TBCE: variants seen among roughly 807,000 people sequenced by gnomAD.
The protein encoded by TBCE is tubulin folding cofactor E.
Under a neutral mutation model 77.0 loss-of-function variants are expected in TBCE, and 53 were observed. The observed-to-expected ratio is 0.69, with a 90% confidence interval of 0.55 to 0.87. The LOEUF (loss-of-function observed/expected upper bound fraction) is 0.87, where lower values mean the gene tolerates loss of function less well. Among genes scored for constraint, TBCE ranks in the 40% least tolerant of loss-of-function variants. TBCE has a pLI of 0.00. For synonymous variants in TBCE, 235 were observed against 241.3 expected (o/e 0.97, Z 0.24); for missense variants, 624 against 622.4 (o/e 1.00, Z -0.03).
intron 13 of TBCE, chr1:235,440,782 G>A (rs577890254): frequency 1.3e-5 from 2 of 152,206 alleles, no homozygotes; most frequent in African/African-American, 2.4e-5. Context: ...CTCTCGTCCC[G>A]AGGGCTCGCT....
At chr1:235,439,089 G>C (rs2270538) in intron 13 of TBCE, 167 bp downstream of exon 13, 14 of 848,638 alleles carry the variant, frequency 1.6e-5, no homozygotes, top group Middle Eastern at 3.4e-4. Flanking sequence ...GGGCGAGGGC[G>C]GCAGGGCAAG....
At chr1:235,409,393 T>C (rs1679644976) in intron 3 of TBCE, among the ~76,000 whole-genome samples, 1 of 152,186 alleles carries the variant, frequency 6.6e-6, no homozygotes. Flanking sequence ...TTTCTTAATA[T>C]ATTAATGTAG....
chr1:235,388,429 C>T (rs567029384), intron 2 of TBCE, among the ~76,000 whole-genome samples: 87 of 151,864 alleles, frequency 5.7e-4, no homozygotes, highest in African/African-American at 2.0e-3. Context: ...GCTGGGATTA[C>T]GGGGACCCAC....
At chr1:235,388,128 C>T (rs1678137940) in intron 2 of TBCE, among the ~76,000 whole-genome samples, 1 of 152,090 alleles carries the variant, frequency 6.6e-6, no homozygotes, top group Non-Finnish European at 1.5e-5. Context: ...ATGCTCTCAA[C>T]TTTGAATATT....
At chr1:235,443,177 C>G (rs190582824) in intron 15 of TBCE, among the ~76,000 whole-genome samples, 1 of 140,870 alleles carries the variant, frequency 7.1e-6, no homozygotes, top group African/African-American at 2.9e-5. Context: ...CACACACACA[C>G]ACACACACAT....
chr1:235,387,451 C>A (rs1010964093), intron 2 of TBCE, among the ~76,000 whole-genome samples: 4 of 152,206 alleles, frequency 2.6e-5, no homozygotes, highest in Non-Finnish European at 4.4e-5. Flanking sequence ...GTGGGCTCCA[C>A]CCAGTTCGAG....
At chr1:235,408,723 G>A (rs374038634) in intron 3 of TBCE, among the ~76,000 whole-genome samples, 16 of 152,148 alleles carry the variant, frequency 1.1e-4, no homozygotes, top group African/African-American at 3.6e-4. Context: ...AACACTGCAC[G>A]AAAGCTGAGT....
intron 15 of TBCE, among the ~76,000 whole-genome samples, chr1:235,444,749 G>A (rs1682132027): frequency 1.3e-5 from 2 of 152,222 alleles, no homozygotes; most frequent in South Asian, 2.1e-4. Flanking sequence ...ATGTCTTTGC[G>A]TGTTTCCTTT....
intron 5 of TBCE, among the ~76,000 whole-genome samples, chr1:235,424,794 A>C (rs1046140916): frequency 7.3e-5 from 11 of 151,586 alleles, no homozygotes; most frequent in Admixed American, 6.6e-5. Context: ...TATGAGCCAC[A>C]GTTCCCGGTC....
In TBCE at chr1:235,431,717, A is replaced by G. The variant is rs553026404; in HGVS notation, c.660+913A>G. Among the ~76,000 whole-genome samples the G allele has an allele frequency of 9.6e-5, 13 of 135,658 alleles. 1 individual carries two copies. Among genetic ancestry groups the G allele is most frequent in the Admixed American group, 7.5e-4 (10 of 13,352 alleles). 89.0% of individuals were successfully genotyped at this position (135,658 alleles called of 152,430 possible). On this transcript the variant is annotated intron_variant, in intron 7 of 16. Transcript: ENST00000642610. The stretch of plus-strand genomic sequence containing the variant: ...AGACAGAGTCTCACTCTGTTGCCCA[A>G]GGTGGAGTGCAGTGGCGCAATCTCG...
At chr1:235,426,727 C>T (rs1680732975) in intron 5 of TBCE, among the ~76,000 whole-genome samples, 1 of 152,210 alleles carries the variant, frequency 6.6e-6, no homozygotes, top group African/African-American at 2.4e-5. Flanking sequence ...CTCACTGCAA[C>T]CTCCGCCTCC....
chr1:235,408,179 A>G (rs1679566942), intron 3 of TBCE, among the ~76,000 whole-genome samples: 1 of 152,224 alleles, frequency 6.6e-6, no homozygotes, highest in Non-Finnish European at 1.5e-5. Context: ...ATAAAGGATA[A>G]GTGTTTGAAA....
Position 235,443,177 on chromosome 1 carries a change from C to T in TBCE, c.1399+266C>T, listed in dbSNP as rs190582824. ...CCCTGCATATAATTACACACACACA[C>T]ACACACACATATATATATACACACA... On this transcript the variant is annotated intron_variant, in intron 15 of 16. Coordinates refer to ENST00000642610, the MANE Select transcript of TBCE (RefSeq NM_003193.5). 2.4e-3 allele frequency among the ~76,000 whole-genome samples: 341 copies of T among 140,972 alleles called. 6 individuals carry two copies. The highest frequency in any genetic ancestry group is 0.014 in the Admixed American group (193 of 13,952). 92.5% of individuals were successfully genotyped at this position (140,972 alleles called of 152,430 possible). A position where few individuals can be genotyped will look rare whatever the true frequency, so the allele number is the denominator to read the frequency against.
chr1:235,417,107 TAAG>T (rs1348761174), intron 4 of TBCE, among the ~76,000 whole-genome samples: 2 of 152,178 alleles, frequency 1.3e-5, no homozygotes, highest in Non-Finnish European at 2.9e-5. Flanking sequence ...ATCGTACCAC[TAAG>T]AAGAGACTTA....
intron 2 of TBCE, among the ~76,000 whole-genome samples, chr1:235,393,076 C>T (rs1015663725): frequency 6.6e-6 from 1 of 151,984 alleles, no homozygotes; most frequent in Non-Finnish European, 1.5e-5. Flanking sequence ...TCTTAGCTTC[C>T]CATATAGAGA....
intron 2 of TBCE, among the ~76,000 whole-genome samples, chr1:235,382,352 A>G (rs1677728222): frequency 6.6e-6 from 1 of 152,134 alleles, no homozygotes; most frequent in African/African-American, 2.4e-5. Context: ...GCTGGGTCAA[A>G]TGGTATTTCT....
intron 15 of TBCE, among the ~76,000 whole-genome samples, chr1:235,447,374 C>CTATT (rs979353483): frequency 9.8e-5 from 15 of 152,296 alleles, no homozygotes; most frequent in African/African-American, 2.9e-4. Context: ...CAAGGAAACT[C>CTATT]TATTTCTTAT....
At chr1:235,400,821 A>T (rs1679058733) in intron 2 of TBCE, among the ~76,000 whole-genome samples, 1 of 151,640 alleles carries the variant, frequency 6.6e-6, no homozygotes, top group South Asian at 2.1e-4. Flanking sequence ...CAGCCTCCCG[A>T]GTAGCTGGGA....
chr1:235,402,158 G>A (rs1679150707), intron 3 of TBCE, among the ~76,000 whole-genome samples: 1 of 150,724 alleles, frequency 6.6e-6, no homozygotes, highest in Admixed American at 6.6e-5. Context: ...CCACCTCCTA[G>A]GTTCAAGCAA....
Sources: gnomAD v4.1 joint callset for allele counts (sites outside exome capture counted in the v4.1 genomes callset) on GRCh38, gnomAD v4.1.1 for gene constraint, MANE v1.5 for transcripts, NCBI Gene and HGNC (gene_info 2026-07-23, HGNC 2026-07-21) for gene names.